Variants in CUX2 observed in about 807,000 individuals in gnomAD.
The protein encoded by CUX2 is homeobox protein cut-like 2.
A neutral mutation model predicts 144.8 loss-of-function variants in CUX2; 40 were observed. The observed-to-expected ratio is 0.28, with a 90% confidence interval of 0.21 to 0.36. CUX2 has a LOEUF of 0.36. Ranked by LOEUF, CUX2 falls within the 10% of genes least tolerant of loss-of-function variation. CUX2 has a pLI of 1.00. For synonymous variants in CUX2, 827 were observed against 875.6 expected (o/e 0.94, Z 0.98); for missense variants, 1,615 against 1,994.0 (o/e 0.81, Z 3.62).
chr12:111,237,957 C>G (rs553628785), intron 3 of CUX2, among the ~76,000 whole-genome samples: 8 of 152,270 alleles, frequency 5.3e-5, no homozygotes, highest in African/African-American at 1.9e-4. Context: ...AGCAGCATCC[C>G]CCACTCCCCA....
intron 20 of CUX2, among the ~76,000 whole-genome samples, chr12:111,339,015 C>T (rs1888470636): frequency 6.6e-6 from 1 of 151,964 alleles, no homozygotes; most frequent in Non-Finnish European, 1.5e-5. Context: ...GGCAGATCAC[C>T]TGAGGTCGGG....
rs557884358 is a variant in CUX2, at chr12:111,320,522, C to G, written c.2513C>G (p.Ala838Gly). 10 of 1,565,452 alleles carry G rather than the reference C, an allele frequency of 6.4e-6. No homozygotes were observed. Among genetic ancestry groups the G allele is most frequent in the Middle Eastern group, 1.7e-4 (1 of 5,900 alleles). Residue 838 changes from alanine (A) to glycine (G), a missense_variant, in exon 17 of 22, where the codon GCG (alanine) becomes GGG (glycine). This residue lies in a region of CUX2 where 390 missense variants were observed against 387.1 expected (regional missense o/e 1.01). Transcript: ENST00000261726. The surrounding 1 kb of genome is among the most constrained non-coding windows in gnomAD (Gnocchi z 8.1). ...DEAPVPPEDEAAAGAEDEPPR... is the reference protein window; with the variant it reads ...DEAPVPPEDEGAAGAEDEPPR... ...GCCCCTGTGCCCCCCGAGGACGAGGCGGCGGCAGGGGCGGAGGACGAACCC... is the reference window on the plus strand; with the variant it reads ...GCCCCTGTGCCCCCCGAGGACGAGGGGGCGGCAGGGGCGGAGGACGAACCC...
chr12:111,296,083 C>A (rs1266400022), intron 7 of CUX2, among the ~76,000 whole-genome samples: 10 of 152,116 alleles, frequency 6.6e-5, no homozygotes, highest in Non-Finnish European at 1.5e-4. Context: ...GGTGGTTGAA[C>A]ACCTCGGGAT....
chr12:111,338,163 C>T (rs768887864), intron 19 of CUX2, 123 bp from the exon 20 acceptor site: 119 of 1,032,032 alleles, frequency 1.2e-4, no homozygotes, highest in Non-Finnish European at 1.5e-4. Context: ...GCCCTCCCTT[C>T]GGAGTCAGTG....
At chr12:111,045,433 C>T (rs1453508070) in intron 1 of CUX2, among the ~76,000 whole-genome samples, 5 of 152,182 alleles carry the variant, frequency 3.3e-5, no homozygotes, top group Non-Finnish European at 7.3e-5. Flanking sequence ...AAGTCCTGCC[C>T]TCATAAAGCT....
intron 1 of CUX2, among the ~76,000 whole-genome samples, chr12:111,162,230 G>A (rs1008125854): frequency 3.9e-4 from 60 of 152,324 alleles, no homozygotes; most frequent in African/African-American, 1.4e-3. Context: ...ACCAGCCCCT[G>A]CCTTCCTCCA....
chr12:111,181,112 G>C (rs1879143927), intron 1 of CUX2, among the ~76,000 whole-genome samples: 1 of 152,240 alleles, frequency 6.6e-6, no homozygotes, highest in South Asian at 2.1e-4. Context: ...ATAACCAGGC[G>C]GAATATTCCG....
At chr12:111,221,291 G>A (rs1025033720) in intron 3 of CUX2, among the ~76,000 whole-genome samples, 1 of 152,112 alleles carries the variant, frequency 6.6e-6, no homozygotes, top group Admixed American at 6.6e-5. Flanking sequence ...TGTCCTCCTT[G>A]TGCCTCAGGG....
intron 3 of CUX2, among the ~76,000 whole-genome samples, chr12:111,252,718 C>T (rs1167528920): frequency 6.6e-6 from 1 of 151,398 alleles, no homozygotes; most frequent in Non-Finnish European, 1.5e-5. Context: ...CCCAGCCCCG[C>T]CTGGGCTCTG....
intron 1 of CUX2, among the ~76,000 whole-genome samples, chr12:111,048,508 G>A (rs905227494): frequency 3.9e-5 from 6 of 152,222 alleles, no homozygotes; most frequent in African/African-American, 9.6e-5. Context: ...AGCTGGTGTG[G>A]ATTTGTAGGC....
intron 3 of CUX2, among the ~76,000 whole-genome samples, chr12:111,241,683 G>A (rs1030444527): frequency 1.3e-5 from 2 of 152,240 alleles, no homozygotes; most frequent in African/African-American, 4.8e-5. Flanking sequence ...ACGTTGGCCC[G>A]ACCCCATGGC....
intron 21 of CUX2, among the ~76,000 whole-genome samples, chr12:111,342,352 A>G (rs1888616533): frequency 6.6e-6 from 1 of 152,116 alleles, no homozygotes; most frequent in Non-Finnish European, 1.5e-5. Flanking sequence ...GCGGTGGCAT[A>G]CACCTGTAGT....
At chr12:111,180,965 TG>T (rs1349405898) in intron 1 of CUX2, among the ~76,000 whole-genome samples, 14 of 152,354 alleles carry the variant, frequency 9.2e-5, no homozygotes, top group African/African-American at 3.4e-4. Context: ...TGCCACATAA[TG>T]GGTATCATAA....
chr12:111,228,245 C>T (rs1268109631), intron 3 of CUX2, among the ~76,000 whole-genome samples: 3 of 152,094 alleles, frequency 2.0e-5, no homozygotes, highest in Non-Finnish European at 4.4e-5. Flanking sequence ...GTTCTGGAAC[C>T]AGACTGCCTG....
chr12:111,135,205 AAAAG>A (rs565695562), intron 1 of CUX2, among the ~76,000 whole-genome samples: 231 of 152,254 alleles, frequency 1.5e-3, no homozygotes, highest in African/African-American at 4.7e-3. Flanking sequence ...GAAGAAAAAA[AAAAG>A]AGAAGAAAGA....
At chr12:111,128,567 A>G (rs1233589947) in intron 1 of CUX2, among the ~76,000 whole-genome samples, 1 of 152,166 alleles carries the variant, frequency 6.6e-6, no homozygotes, top group Non-Finnish European at 1.5e-5. Flanking sequence ...GCTGCTGTGC[A>G]TGCCCCCCTT....
At position 111,263,676 on chromosome 12, in the gene CUX2, C is replaced by T; in HGVS notation, c.223-85C>T. On this transcript the variant is annotated intron_variant, in intron 3 of 21. Coordinates refer to ENST00000261726, the MANE Select transcript of CUX2 (RefSeq NM_015267.4). The surrounding 1 kb of genome is among the most constrained non-coding windows in gnomAD (Gnocchi z 4.0). ...AAAACAAAAAACCTGCAGATGTTTT[C>T]TTGTGGAAAAAAAAAATGATGAAAT... The T allele has an allele frequency of 9.2e-7, 1 of 1,087,472 alleles. No homozygotes were observed. Among genetic ancestry groups the T allele is most frequent in the Non-Finnish European group, 1.4e-6 (1 of 725,392 alleles). The allele number at this position is 1,087,472 out of a possible 1,614,324, so 67.4% of individuals were successfully genotyped here. A position where few individuals can be genotyped will look rare whatever the true frequency, so the allele number is the denominator to read the frequency against.
At chr12:111,239,235 T>C (rs773071073) in intron 3 of CUX2, among the ~76,000 whole-genome samples, 3 of 152,144 alleles carry the variant, frequency 2.0e-5, no homozygotes, top group Non-Finnish European at 4.4e-5. Context: ...AACCAGTCAA[T>C]TACAATAATA....
intron 21 of CUX2, among the ~76,000 whole-genome samples, chr12:111,343,763 T>C (rs1332887964): frequency 1.3e-5 from 2 of 152,202 alleles, no homozygotes; most frequent in African/African-American, 4.8e-5. Flanking sequence ...ATAAACACAT[T>C]ATAAAATATG....
Sources: allele counts gnomAD v4.1 joint callset (sites outside exome capture counted in the v4.1 genomes callset), GRCh38; gene constraint gnomAD v4.1.1; regional missense constraint gnomAD v4.1.1; non-coding constraint Gnocchi (gnomAD v3.1); transcripts MANE v1.5; gene names NCBI Gene and HGNC (gene_info 2026-07-23, HGNC 2026-07-21).